The following CATSPERB variants were observed in gnomAD, a reference collection of about 807,000 sequenced individuals.
CATSPERB encodes cation channel sperm-associated auxiliary subunit beta.
Under a neutral mutation model 128.3 loss-of-function variants are expected in CATSPERB, and 93 were observed. The observed-to-expected ratio is 0.72, with a 90% CI of 0.61 to 0.86. CATSPERB has a LOEUF of 0.86. CATSPERB is among the 40% of genes least tolerant of loss of function. The pLI, the probability that CATSPERB is intolerant of heterozygous loss-of-function variation, is 0.00. For missense variants in CATSPERB, 1,153 were observed against 1,329.5 expected, an observed-to-expected ratio of 0.87 and a Z score of 2.06; for synonymous variants, 381 against 448.8, an observed-to-expected ratio of 0.85 and a Z score of 1.91.
chr14:91,721,105 A>T (rs1287169635), intron 4 of CATSPERB, among the ~76,000 whole-genome samples: 1 of 152,216 alleles, frequency 6.6e-6, no homozygotes, highest in African/African-American at 2.4e-5. Flanking sequence ...CTAAATGTAG[A>T]AGGTAAATTA....
At chr14:91,670,061 A>C in intron 13 of CATSPERB, 89 bp from the exon 14 acceptor site, 6 of 1,123,616 alleles carry the variant, frequency 5.3e-6, no homozygotes, top group Non-Finnish European at 7.9e-6. Flanking sequence ...ATTAAGAGAG[A>C]GATACAATCA....
At chr14:91,668,442 G>T (rs1895027159) in intron 14 of CATSPERB, among the ~76,000 whole-genome samples, 1 of 152,150 alleles carries the variant, frequency 6.6e-6, no homozygotes, top group Non-Finnish European at 1.5e-5. Flanking sequence ...GGACCAATCA[G>T]CACTCTGTAA....
At chr14:91,624,470 C>A (rs1447635128) in intron 18 of CATSPERB, among the ~76,000 whole-genome samples, 1 of 152,006 alleles carries the variant, frequency 6.6e-6, no homozygotes, top group African/African-American at 2.4e-5. Context: ...GGTGACAGTG[C>A]GAGACTCCAA....
intron 8 of CATSPERB, 65 bp downstream of exon 8, chr14:91,693,319 T>C: frequency 1.3e-6 from 2 of 1,536,842 alleles, no homozygotes; most frequent in Non-Finnish European, 1.8e-6. Flanking sequence ...AGACATTTTA[T>C]AGATATTAAT....
chr14:91,581,203 C>T, intron 26 of CATSPERB, 96 bp from the exon 27 acceptor site: 9 of 975,944 alleles, frequency 9.2e-6, no homozygotes, highest in East Asian at 2.6e-5. Context: ...GAGAGCAAAA[C>T]GCTGCCCAGA....
chr14:91,627,414 T>G (rs1458970333), intron 17 of CATSPERB, among the ~76,000 whole-genome samples: 2 of 152,172 alleles, frequency 1.3e-5, no homozygotes, highest in Non-Finnish European at 1.5e-5. Context: ...CAAATACAGA[T>G]TAACAAGAGA....
chr14:91,685,804 A>T (rs866071897), intron 10 of CATSPERB, among the ~76,000 whole-genome samples: 2 of 152,222 alleles, frequency 1.3e-5, no homozygotes, highest in Non-Finnish European at 2.9e-5. Flanking sequence ...GTGGTTTAGC[A>T]TGGCCAGGCA....
At chr14:91,610,417 C>CA in intron 21 of CATSPERB, 63 bp downstream of exon 21, 2 of 1,318,180 alleles carry the variant, frequency 1.5e-6, no homozygotes, top group Non-Finnish European at 2.1e-6. Flanking sequence ...AATGGGTAGG[C>CA]AATCACACAA....
chr14:91,695,356 C>A (rs148361558), intron 7 of CATSPERB, among the ~76,000 whole-genome samples: 155 of 152,170 alleles, frequency 1.0e-3, no homozygotes, highest in African/African-American at 3.6e-3. Context: ...GTCTTGAACT[C>A]CTGATCTCAA....
chr14:91,690,946 G>T (rs1176527162), intron 10 of CATSPERB, among the ~76,000 whole-genome samples: 1 of 152,210 alleles, frequency 6.6e-6, no homozygotes, highest in Non-Finnish European at 1.5e-5. Context: ...ACCGAAGCAT[G>T]CTTATATGCT....
At position 91,708,136 on chromosome 14, in the gene CATSPERB, T is replaced by C. The variant is rs541907268; in HGVS notation, c.466+5A>G. 10 of 1,594,310 alleles carry C rather than the reference T, an allele frequency of 6.3e-6. No individual in the cohort carries two copies. Among genetic ancestry groups the C allele is most frequent in the East Asian group, 2.2e-5 (1 of 44,642 alleles). ...TCCATTTTACTTCTGTCTGTTGGCATTTACCTCGAATAACATCCAATAGAG... is the reference window on the plus strand; with the variant it reads ...TCCATTTTACTTCTGTCTGTTGGCACTTACCTCGAATAACATCCAATAGAG... On this transcript the variant is annotated splice_donor_5th_base_variant and intron_variant, in intron 6 of 26. Transcript: ENST00000256343.
At chr14:91,584,453 C>T (rs1040134551) in intron 26 of CATSPERB, among the ~76,000 whole-genome samples, 15 of 152,290 alleles carry the variant, frequency 9.8e-5, no homozygotes, top group East Asian at 7.7e-4. Context: ...CAATTCTTTT[C>T]CTTCATTAAT....
At chr14:91,613,721 TA>T (rs1425828495) in intron 20 of CATSPERB, among the ~76,000 whole-genome samples, 12 of 152,318 alleles carry the variant, frequency 7.9e-5, no homozygotes, top group African/African-American at 2.6e-4. Context: ...TATTAGGCCC[TA>T]GTTGGAGATA....
chr14:91,673,066 C>T (rs767484381), intron 12 of CATSPERB, 50 bp from the exon 13 acceptor site: 1 of 1,466,516 alleles, frequency 6.8e-7, no homozygotes, highest in South Asian at 1.3e-5. Context: ...AATATAAGTT[C>T]TAATTCTCTT....
At chr14:91,581,162 C>G (rs1268904683) in intron 26 of CATSPERB, 55 bp from the exon 27 acceptor site, 2 of 1,411,586 alleles carry the variant, frequency 1.4e-6, no homozygotes, top group African/African-American at 2.9e-5. Flanking sequence ...ATGCAAAACA[C>G]TGAAAATTTA....
chr14:91,635,110 C>T (rs1894348760), intron 17 of CATSPERB, among the ~76,000 whole-genome samples: 1 of 151,870 alleles, frequency 6.6e-6, no homozygotes, highest in African/African-American at 2.4e-5. Flanking sequence ...GTGGAAGGGC[C>T]TAGCTAGCTC....
At chr14:91,689,101 C>T (rs1475722874) in intron 10 of CATSPERB, among the ~76,000 whole-genome samples, 4 of 152,182 alleles carry the variant, frequency 2.6e-5, no homozygotes, top group Non-Finnish European at 5.9e-5. Flanking sequence ...AGAAGGGGTT[C>T]CCCTCTTTCC....
At chr14:91,675,261 C>G (rs1895173728) in intron 11 of CATSPERB, among the ~76,000 whole-genome samples, 1 of 152,176 alleles carries the variant, frequency 6.6e-6, no homozygotes, top group Non-Finnish European at 1.5e-5. Flanking sequence ...GCTAGCTGAC[C>G]CTGCAGCTGG....
chr14:91,584,648 C>G (rs1893265802), intron 26 of CATSPERB, among the ~76,000 whole-genome samples: 1 of 152,044 alleles, frequency 6.6e-6, no homozygotes, highest in Non-Finnish European at 1.5e-5. Context: ...TTTTTTATTC[C>G]TGAAAGATAT....
Sources: allele counts gnomAD v4.1 joint callset (sites outside exome capture counted in the v4.1 genomes callset), GRCh38; gene constraint gnomAD v4.1.1; transcripts MANE v1.5; gene names NCBI Gene and HGNC (gene_info 2026-07-23, HGNC 2026-07-21).